Variants in BFSP2 observed in about 807,000 individuals in gnomAD.
BFSP2 encodes beaded filament structural protein 2, also known as phakinin.
In BFSP2, 38 loss-of-function variants were observed where a neutral mutation model predicts 44.9. The observed-to-expected ratio is 0.85, with a 90% confidence interval of 0.65 to 1.11. The LOEUF (loss-of-function observed/expected upper bound fraction) is 1.11, where lower values mean the gene tolerates loss of function less well. Ranked by LOEUF, BFSP2 falls within the 50% of genes least tolerant of loss-of-function variation. The pLI is 0.00. For missense variants in BFSP2, 525 were observed against 533.0 expected (o/e 0.99, Z 0.15); for synonymous variants, 197 against 209.9 (o/e 0.94, Z 0.53).
intron 1 of BFSP2, among the ~76,000 whole-genome samples, chr3:133,418,763 C>T (rs2073567306): frequency 6.6e-6 from 1 of 152,186 alleles, no homozygotes; most frequent in Non-Finnish European, 1.5e-5. Flanking sequence ...TCATTTACTT[C>T]CGTAAGACTC....
At chr3:133,437,293 G>A (rs2073796741) in intron 1 of BFSP2, among the ~76,000 whole-genome samples, 1 of 152,176 alleles carries the variant, frequency 6.6e-6, no homozygotes, top group Admixed American at 6.5e-5. Context: ...GGGAGGCCAA[G>A]GAGGCAGATC....
intron 5 of BFSP2, among the ~76,000 whole-genome samples, chr3:133,467,886 T>C (rs771066927): frequency 6.6e-6 from 1 of 152,066 alleles, no homozygotes; most frequent in South Asian, 2.1e-4. Context: ...AAGAAAAGGA[T>C]CTGAGGATCT....
intron 1 of BFSP2, among the ~76,000 whole-genome samples, chr3:133,421,874 C>T (rs1405971623): frequency 1.3e-5 from 2 of 152,044 alleles, no homozygotes; most frequent in African/African-American, 4.8e-5. Context: ...TTTGGGAGGC[C>T]AAGGCGGGTG....
intron 1 of BFSP2, among the ~76,000 whole-genome samples, chr3:133,415,354 A>ACTCACCCCTGCCCTCTCTCCCCTC (rs1258628742): frequency 2.2e-4 from 8 of 35,604 alleles, no homozygotes; most frequent in South Asian, 9.6e-4. Flanking sequence ...TCTCCCCTCT[A>ACTCACCCCTGCCCTCTCTCCCCTC]CTCACCCCTC....
At chr3:133,425,219 A>G (rs954287216) in intron 1 of BFSP2, among the ~76,000 whole-genome samples, 2 of 152,186 alleles carry the variant, frequency 1.3e-5, no homozygotes, top group Non-Finnish European at 2.9e-5. Context: ...ACCAAGCACT[A>G]TGGGAGTTCA....
chr3:133,400,286 G>A lies in BFSP2; in HGVS notation c.203G>A (p.Gly68Asp). The A allele has an allele frequency of 6.2e-7, 1 of 1,614,058 alleles. No individual in the cohort carries two copies. Among genetic ancestry groups the A allele is most frequent in the Non-Finnish European group, 8.5e-7 (1 of 1,180,024 alleles). Reference sequence around the variant, plus strand: ...ACAGCACCCAGTGGGTGCATAGGTGGCTTGGGTGCCCGTGTGACCCGCCGG... The same window carrying A: ...ACAGCACCCAGTGGGTGCATAGGTGACTTGGGTGCCCGTGTGACCCGCCGG... ...VGTAPSGCIG[G>D]LGARVTRRAL... is the part of the protein sequence containing the mutation. Residue 68 changes from glycine to aspartate, a missense_variant, in exon 1 of 7, where the codon GGC (glycine) becomes GAC (aspartate). Physicochemically the swap from Gly to Asp is moderately conservative, Grantham distance 94. Coordinates refer to ENST00000302334, the MANE Select transcript of BFSP2 (RefSeq NM_003571.4). The surrounding 1 kb of genome is among the most constrained non-coding windows in gnomAD (Gnocchi z 4.0).
intron 1 of BFSP2, among the ~76,000 whole-genome samples, chr3:133,402,430 G>C (rs1293915005): frequency 6.6e-6 from 1 of 152,084 alleles, no homozygotes; most frequent in Non-Finnish European, 1.5e-5. Context: ...GTACAGACTA[G>C]GAAGCTCTAA....
chr3:133,405,528 G>GA (rs151149633), intron 1 of BFSP2, among the ~76,000 whole-genome samples: 188 of 146,502 alleles, frequency 1.3e-3, no homozygotes, highest in South Asian at 9.6e-3. Flanking sequence ...TCTCTTTTTA[G>GA]AAAAAAAAAA....
rs147980732 is a variant in BFSP2 at position 133,470,888 on chromosome 3, G to A, written c.1024-1457G>A. ...CCTAACCCAGCTTGGTGATGGTAGC[G>A]GCAGAGGAGTTTCAAGGAAGGCTTC... On this transcript the variant is annotated intron_variant, in intron 5 of 6. Transcript: ENST00000302334. Among the ~76,000 whole-genome samples the A allele has an allele frequency of 4.2e-3, 637 of 152,316 alleles. 5 individuals are homozygous for A. Among genetic ancestry groups the A allele is most frequent in the African/African-American group, 0.014 (600 of 41,568 alleles).
Position 133,475,138 on chromosome 3 carries a change from A to C in BFSP2, c.*166A>C, listed in dbSNP as rs1306244795. 1.1e-6 allele frequency: 1 copy of C among 934,316 alleles called. No individual in the cohort carries two copies. Among genetic ancestry groups the C allele is most frequent in the East Asian group, 2.5e-5 (1 of 40,706 alleles). 57.9% of individuals were successfully genotyped at this position (934,316 alleles called of 1,614,324 possible). On this transcript the variant is annotated 3_prime_UTR_variant, in exon 7 of 7. Coordinates refer to ENST00000302334, the MANE Select transcript of BFSP2 (RefSeq NM_003571.4). ...AAGTGGAGAGGATCCTTCTGCTTTA[A>C]TCTGAGTAGTCTGTAGCTTGAGCAA... is the stretch of plus-strand genomic sequence containing the variant.
At chr3:133,416,622 AC>A in intron 1 of BFSP2, among the ~76,000 whole-genome samples, 1 of 59,638 alleles carries the variant, frequency 1.7e-5, no homozygotes, top group East Asian at 4.3e-4. Flanking sequence ...CCCTCTACTC[AC>A]CCCTGTCCTC....
chr3:133,470,122 A>G (rs2074148411), intron 5 of BFSP2, among the ~76,000 whole-genome samples: 1 of 152,258 alleles, frequency 6.6e-6, no homozygotes, highest in Non-Finnish European at 1.5e-5. Context: ...AAAGGTTTCC[A>G]GATTCTATTA....
chr3:133,468,353 T>C (rs916105890), intron 5 of BFSP2, among the ~76,000 whole-genome samples: 3 of 152,188 alleles, frequency 2.0e-5, no homozygotes, highest in Non-Finnish European at 4.4e-5. Context: ...AGTGAGGATC[T>C]ATTTTGGCTA....
At chr3:133,449,233 T>C (rs1559975557) in intron 3 of BFSP2, 1 of 154,542 alleles carries the variant, frequency 6.5e-6, no homozygotes, top group Non-Finnish European at 1.4e-5. Context: ...AGTTCTTTCT[T>C]GAGACCAACT....
chr3:133,425,996 AGGGCAGG>A lies in BFSP2; in HGVS notation c.490-21319_490-21313del, dbSNP rs2073650126. Among the ~76,000 whole-genome samples the A allele has an allele frequency of 8.6e-5, 4 of 46,560 alleles. 1 individual carries two copies. Among genetic ancestry groups the A allele is most frequent in the Non-Finnish European group, 1.5e-4 (4 of 26,032 alleles). The allele number at this position is 46,560 out of a possible 152,430, so 30.5% of individuals were successfully genotyped here. A position where few individuals can be genotyped will look rare whatever the true frequency, so the allele number is the denominator to read the frequency against. ...GGGGGAGGGGAAGGCAGGGCAGGGC[AGGGCAGG>A]GAAAGGAAGGGAAGGGAAGGGAAGG... On this transcript the variant is annotated intron_variant, in intron 1 of 6. Transcript: ENST00000302334.
chr3:133,414,641 TAC>T, intron 1 of BFSP2, among the ~76,000 whole-genome samples: 1 of 77,954 alleles, frequency 1.3e-5, no homozygotes, highest in African/African-American at 5.5e-5. Flanking sequence ...CTCACCCCTC[TAC>T]TCACCGCTGT....
At chr3:133,460,106 C>G (rs1197082602) in intron 4 of BFSP2, among the ~76,000 whole-genome samples, 1 of 152,120 alleles carries the variant, frequency 6.6e-6, no homozygotes, top group African/African-American at 2.4e-5. Flanking sequence ...AGAAAGGCTA[C>G]TCTTATACAA....
rs2073914849 is a variant in BFSP2, at chr3:133,447,544, A to C, written c.572+145A>C. On this transcript the variant is annotated intron_variant, in intron 2 of 6. Transcript: ENST00000302334. ...TAACAGAGCCATGATTATCCAGCTC[A>C]CACCCCTCCTTGTAAACATAAAGTA... 1.4e-5 allele frequency: 12 copies of C among 865,422 alleles called. No individual in the cohort carries two copies. In the South Asian group the frequency reaches 2.0e-4, roughly 15 times the overall value. 53.6% of individuals were successfully genotyped at this position (865,422 alleles called of 1,614,324 possible). A position where few individuals can be genotyped will look rare whatever the true frequency, so the allele number is the denominator to read the frequency against.
intron 4 of BFSP2, among the ~76,000 whole-genome samples, chr3:133,454,089 A>T (rs539098698): frequency 2.0e-5 from 3 of 152,162 alleles, no homozygotes; most frequent in Non-Finnish European, 4.4e-5. Context: ...GTACTCAGGG[A>T]TGCTTCAGGA....
Sources: allele counts gnomAD v4.1 joint callset (sites outside exome capture counted in the v4.1 genomes callset), GRCh38; gene constraint gnomAD v4.1.1; non-coding constraint Gnocchi (gnomAD v3.1); transcripts MANE v1.5; gene names NCBI Gene and HGNC (gene_info 2026-07-23, HGNC 2026-07-21).